TET1: variants seen among roughly 807,000 people sequenced by gnomAD.
TET1 encodes the protein tet methylcytosine dioxygenase 1.
A neutral mutation model predicts 148.7 loss-of-function variants in TET1; 13 were observed. The observed-to-expected ratio is 0.09, with a 90% CI of 0.06 to 0.14. The LOEUF is 0.14. Ranked by LOEUF, TET1 falls within the 10% of genes least tolerant of loss-of-function variation. TET1 has a pLI of 1.00. For missense variants in TET1, 2,182 were observed against 2,553.8 expected (o/e 0.85, Z 3.14); for synonymous variants, 907 against 937.2 (o/e 0.97, Z 0.59).
At chr10:68,582,789 T>C (rs756125186) in intron 2 of TET1, among the ~76,000 whole-genome samples, 2 of 152,308 alleles carry the variant, frequency 1.3e-5, no homozygotes, top group East Asian at 1.9e-4. Context: ...ACTCTTTCAA[T>C]TGAGGGCAGA....
intron 1 of TET1, among the ~76,000 whole-genome samples, chr10:68,563,009 G>C (rs548571025): frequency 4.0e-5 from 6 of 151,298 alleles, no homozygotes; most frequent in African/African-American, 1.5e-4. Flanking sequence ...GGCCTTTTTT[G>C]TTTTCTTTTT....
At chr10:68,611,282 C>T (rs965745309) in intron 3 of TET1, among the ~76,000 whole-genome samples, 1 of 151,414 alleles carries the variant, frequency 6.6e-6, no homozygotes, top group Non-Finnish European at 1.5e-5. Flanking sequence ...CAGAGCGAGA[C>T]TCCTTCTCAA....
At chr10:68,615,356 C>CTTTTCTTTTCTTTT (rs138957422) in intron 3 of TET1, among the ~76,000 whole-genome samples, 2 of 145,280 alleles carry the variant, frequency 1.4e-5, no homozygotes, top group Non-Finnish European at 3.0e-5. Flanking sequence ...CTTTTCTTTT[C>CTTTTCTTTTCTTTT]TTTTTTTGAG....
At chr10:68,641,593 G>A (rs1564986021) in intron 3 of TET1, among the ~76,000 whole-genome samples, 1 of 151,976 alleles carries the variant, frequency 6.6e-6, no homozygotes, top group Non-Finnish European at 1.5e-5. Context: ...CCGCCTCCCG[G>A]GTTCAAGCGA....
At chr10:68,621,399 C>T (rs186372562) in intron 3 of TET1, among the ~76,000 whole-genome samples, 20 of 152,144 alleles carry the variant, frequency 1.3e-4, no homozygotes, top group African/African-American at 2.4e-4. Context: ...GCCTGGGCAA[C>T]GTGGTGAAAC....
chr10:68,598,305 C>A (rs2054010563), intron 2 of TET1, among the ~76,000 whole-genome samples: 1 of 152,200 alleles, frequency 6.6e-6, no homozygotes, highest in Non-Finnish European at 1.5e-5. Context: ...GCAGCAGAAT[C>A]ATTTGAACCC....
At chr10:68,687,137 C>A (rs2055524783) in intron 11 of TET1, among the ~76,000 whole-genome samples, 1 of 134,390 alleles carries the variant, frequency 7.4e-6, no homozygotes, top group Admixed American at 7.5e-5. Flanking sequence ...TCCGCCCCCG[C>A]CCCCCCGCCC....
intron 6 of TET1, among the ~76,000 whole-genome samples, chr10:68,656,657 G>C (rs763998048): frequency 5.3e-5 from 8 of 152,320 alleles, no homozygotes; most frequent in Non-Finnish European, 7.3e-5. Flanking sequence ...AGAGAGCAAT[G>C]CCGAGCCTAG....
At chr10:68,679,441 G>A (rs2055406724) in intron 8 of TET1, among the ~76,000 whole-genome samples, 2 of 152,160 alleles carry the variant, frequency 1.3e-5, no homozygotes, top group African/African-American at 2.4e-5. Context: ...GAATTTACAT[G>A]TGACTTTTCC....
chr10:68,610,155 C>T (rs1165407925), intron 3 of TET1, among the ~76,000 whole-genome samples: 5 of 151,390 alleles, frequency 3.3e-5, no homozygotes, highest in African/African-American at 4.9e-5. Flanking sequence ...TGGTGGCGGG[C>T]GCCTGTAGTC....
intron 6 of TET1, 86 bp from the exon 7 acceptor site, chr10:68,666,959 A>G: frequency 1.7e-6 from 2 of 1,144,046 alleles, no homozygotes; most frequent in Non-Finnish European, 1.2e-6. Flanking sequence ...CTAAAATATA[A>G]TCATGGAGAA....
Position 68,672,897 on chromosome 10 carries a change from G to T in TET1, c.4676G>T (p.Arg1559Leu). The change falls in exon 8 of 12, where the codon CGT becomes CTT. Residue 1559 changes from arginine (R) to leucine (L), a missense_variant and splice_region_variant. Coordinates refer to ENST00000373644, the MANE Select transcript of TET1 (RefSeq NM_030625.3). ...TDRRCTLNEN[R>L]TCTCQGIDPE... ...TCTCTTGAATTACAATCTTACAGTC[G>T]TACCTGTACATGTCAAGGAATTGAT... The T allele has an allele frequency of 6.2e-7, 1 of 1,605,280 alleles. No individual in the cohort carries two copies. Among genetic ancestry groups the T allele is most frequent in the Non-Finnish European group, 8.5e-7 (1 of 1,174,104 alleles).
intron 8 of TET1, among the ~76,000 whole-genome samples, chr10:68,679,429 T>C (rs984145021): frequency 3.9e-5 from 6 of 152,148 alleles, no homozygotes; most frequent in African/African-American, 1.4e-4. Context: ...ACAAAAAGTA[T>C]AGAATTTACA....
rs1238925597 is a variant in TET1, at chr10:68,694,372, G to A, written c.*2558G>A. The A allele has an allele frequency of 4.3e-6, 1 of 232,388 alleles. No homozygotes were observed. Among genetic ancestry groups the A allele is most frequent in the East Asian group, 6.1e-5 (1 of 16,414 alleles). The allele number at this position is 232,388 out of a possible 1,614,324, so 14.4% of individuals were successfully genotyped here. On this transcript the variant is annotated 3_prime_UTR_variant, in exon 12 of 12. Transcript: ENST00000373644. The stretch of plus-strand genomic sequence containing the variant: ...CTCTGCCCTGTGATTTTTTTTAAAA[G>A]CTTATTCAATGTTCTGCAGCATTGT...
chr10:68,629,602 C>T (rs1286971574), intron 3 of TET1, among the ~76,000 whole-genome samples: 1 of 151,204 alleles, frequency 6.6e-6, no homozygotes, highest in East Asian at 2.0e-4. Context: ...GGCATGATCT[C>T]GGCTCACTGC....
intron 6 of TET1, among the ~76,000 whole-genome samples, chr10:68,654,731 G>C (rs991535095): frequency 1.3e-5 from 2 of 152,234 alleles, no homozygotes; most frequent in African/African-American, 4.8e-5. Flanking sequence ...TAGCCCATGA[G>C]TAACATGAAG....
chr10:68,569,903 A>G (rs1221055498), intron 1 of TET1, among the ~76,000 whole-genome samples: 1 of 152,170 alleles, frequency 6.6e-6, no homozygotes, highest in Non-Finnish European at 1.5e-5. Flanking sequence ...CATTTGTTGT[A>G]GCAATTAAAG....
rs1821789208 is a variant in TET1, at chr10:68,645,969, G to T, written c.3240G>T (p.Gln1080His). ...AAATTGAGGAAGATGTTGCAACACA[G>T]TTGACACAACTTGCTTCGATAATTA... ...HTQIEEDVAT[Q>H]LTQLASIIKI... Residue 1080 changes from glutamine to histidine, a missense_variant, in exon 4 of 12, where the codon CAG becomes CAT. Gln to His is a conservative substitution (Grantham distance 24). Around this residue, in one of 11 missense-constraint regions of TET1, gnomAD observed 582 missense variants for 599.5 expected, o/e 0.97. Transcript: ENST00000373644. 1 of 1,613,892 alleles carries T rather than the reference G, an allele frequency of 6.2e-7. No individual in the cohort carries two copies. The highest frequency in any genetic ancestry group is 8.5e-7 in the Non-Finnish European group (1 of 1,180,028).
At chr10:68,606,607 A>G (rs1215961070) in intron 3 of TET1, among the ~76,000 whole-genome samples, 1 of 121,082 alleles carries the variant, frequency 8.3e-6, no homozygotes, top group Non-Finnish European at 1.6e-5. Context: ...AAACAAAAAC[A>G]AAAAAAAAAA....
Sources: allele counts gnomAD v4.1 joint callset (sites outside exome capture counted in the v4.1 genomes callset), GRCh38; gene constraint gnomAD v4.1.1; regional missense constraint gnomAD v4.1.1; transcripts MANE v1.5; gene names NCBI Gene and HGNC (gene_info 2026-07-23, HGNC 2026-07-21).